Variants in KLHL29 observed in about 807,000 individuals in gnomAD.
KLHL29 encodes kelch like family member 29, also known as kelch-like protein 29.
KLHL29 carries 21 observed loss-of-function variants against 80.4 expected under a neutral mutation model. The ratio of observed to expected loss-of-function variants is 0.26; its 90% CI spans 0.19 to 0.38. The LOEUF (loss-of-function observed/expected upper bound fraction) is 0.38, where lower values mean the gene tolerates loss of function less well. KLHL29 is among the 10% of genes least tolerant of loss of function. The probability of loss-of-function intolerance (pLI) is 1.00; values close to 1 mark genes in which losing one functional copy is unlikely to be tolerated. For missense variants in KLHL29, 867 were observed against 1,223.9 expected (o/e 0.71, Z 4.35); for synonymous variants, 511 against 526.8 (o/e 0.97, Z 0.41).
intron 1 of KLHL29, among the ~76,000 whole-genome samples, chr2:23,471,996 G>A (rs534760450): frequency 6.6e-6 from 1 of 152,150 alleles, no homozygotes; most frequent in Non-Finnish European, 1.5e-5. Context: ...GTGCATGGAT[G>A]TAGCTTATAG....
chr2:23,538,137 A>T (rs1286812717), intron 2 of KLHL29, among the ~76,000 whole-genome samples: 1 of 152,146 alleles, frequency 6.6e-6, no homozygotes, highest in Non-Finnish European at 1.5e-5. Flanking sequence ...TACCACCAAT[A>T]AGTAGCAGAA....
At chr2:23,693,176 G>A (rs1671732089) in intron 7 of KLHL29, 93 bp from the exon 8 acceptor site, 7 of 1,422,246 alleles carry the variant, frequency 4.9e-6, no homozygotes, top group Non-Finnish European at 6.6e-6. Flanking sequence ...CCGGGATGTG[G>A]GTTCAGAGAA....
chr2:23,515,928 T>C (rs911340106), intron 2 of KLHL29, among the ~76,000 whole-genome samples: 5 of 152,222 alleles, frequency 3.3e-5, no homozygotes, highest in Non-Finnish European at 5.9e-5. Flanking sequence ...GATTGATAGC[T>C]GTCCCCACAA....
intron 5 of KLHL29, chr2:23,643,162 C>A (rs1302255213): frequency 9.5e-6 from 5 of 523,844 alleles, no homozygotes; most frequent in African/African-American, 1.9e-5. Context: ...TCACCTCCAA[C>A]CCCCAAGGCC....
intron 6 of KLHL29, among the ~76,000 whole-genome samples, chr2:23,687,414 G>T (rs1389572907): frequency 6.6e-6 from 1 of 152,210 alleles, no homozygotes; most frequent in Non-Finnish European, 1.5e-5. Context: ...CAAGGACGGT[G>T]CCTGCCAGAC....
intron 2 of KLHL29, among the ~76,000 whole-genome samples, chr2:23,501,135 T>C (rs990479451): frequency 2.0e-5 from 3 of 152,078 alleles, no homozygotes; most frequent in African/African-American, 7.2e-5. Context: ...GGAGCCACTC[T>C]GAGACTCAGG....
chr2:23,515,417 C>A (rs1042442706), intron 2 of KLHL29, among the ~76,000 whole-genome samples: 7 of 152,246 alleles, frequency 4.6e-5, no homozygotes, highest in African/African-American at 1.7e-4. Flanking sequence ...CCTACCCCTT[C>A]TTCACCTGGC....
rs746729913 is a variant in KLHL29 at position 23,525,726 on chromosome 2, GCCCCC to G, written c.-45-36418_-45-36414del. Among the ~76,000 whole-genome samples the G allele has an allele frequency of 9.4e-4, 59 of 62,608 alleles. 3 individuals carry two copies. The highest frequency in any genetic ancestry group is 7.9e-3 in the South Asian group (13 of 1,646). The allele number at this position is 62,608 out of a possible 152,430, so 41.1% of individuals were successfully genotyped here. On this transcript the variant is annotated intron_variant, in intron 2 of 13. Transcript: ENST00000486442. ...AGAGGCCGAGTGAGCCCCAGCCCCT[GCCCCC>G]CCCCCCCACCCGAGGCGAGCCAGCA...
At chr2:23,403,842 G>A (rs1232203751) in intron 1 of KLHL29, among the ~76,000 whole-genome samples, 1 of 152,030 alleles carries the variant, frequency 6.6e-6, no homozygotes, top group East Asian at 1.9e-4. Flanking sequence ...GCGTGTGTGC[G>A]TGTGTGTGCA....
At chr2:23,431,630 C>G (rs556545902) in intron 1 of KLHL29, among the ~76,000 whole-genome samples, 3 of 152,110 alleles carry the variant, frequency 2.0e-5, no homozygotes, top group African/African-American at 7.2e-5. Context: ...CGGTGGCTCA[C>G]GCCTGTAATC....
At chr2:23,641,442 C>T (rs1669766752) in intron 4 of KLHL29, among the ~76,000 whole-genome samples, 1 of 152,188 alleles carries the variant, frequency 6.6e-6, no homozygotes, top group Non-Finnish European at 1.5e-5. Context: ...GCCCCGGGCT[C>T]TAGCGCCCTC....
intron 5 of KLHL29, among the ~76,000 whole-genome samples, chr2:23,651,032 A>G (rs1313957284): frequency 1.3e-5 from 2 of 152,344 alleles, no homozygotes; most frequent in East Asian, 1.9e-4. Context: ...ATTCAAGAGC[A>G]CACTCACTAT....
intron 3 of KLHL29, among the ~76,000 whole-genome samples, chr2:23,586,045 A>G (rs1045836015): frequency 6.6e-6 from 1 of 152,174 alleles, no homozygotes; most frequent in African/African-American, 2.4e-5. Context: ...GAGAGCACAC[A>G]GAAGGCCTCT....
At chr2:23,408,301 A>G (rs12999647) in intron 1 of KLHL29, among the ~76,000 whole-genome samples, 2 of 97,338 alleles carry the variant, frequency 2.1e-5, no homozygotes, top group Admixed American at 1.1e-4. Flanking sequence ...AAAAAAAAAA[A>G]TTGAGTTTTT....
intron 1 of KLHL29, among the ~76,000 whole-genome samples, chr2:23,397,311 G>A (rs1039812815): frequency 1.3e-5 from 2 of 152,240 alleles, no homozygotes; most frequent in South Asian, 2.1e-4. Flanking sequence ...ATCACTGAGT[G>A]AGCAGGGCTT....
Position 23,691,884 on chromosome 2 carries a change from CG to C in KLHL29, c.1282+13del. Reference sequence around the variant, plus strand: ...TCTGCGTGTCCTTTCTCGGTGAGCCCGGGGGCCACATATGTCGCTTGGGGGG... The same window carrying C: ...TCTGCGTGTCCTTTCTCGGTGAGCCCGGGGCCACATATGTCGCTTGGGGGG... On this transcript the variant is annotated intron_variant, in intron 7 of 13. Transcript: ENST00000486442. 3 of 1,547,420 alleles carry C rather than the reference CG, an allele frequency of 1.9e-6. No homozygotes were observed. Among genetic ancestry groups the C allele is most frequent in the African/African-American group, 1.4e-5 (1 of 73,172 alleles).
At chr2:23,403,852 A>G (rs1666658871) in intron 1 of KLHL29, among the ~76,000 whole-genome samples, 2 of 151,696 alleles carry the variant, frequency 1.3e-5, no homozygotes, top group South Asian at 2.1e-4. Flanking sequence ...GTGTGTGTGC[A>G]TATGTGTTTG....
intron 2 of KLHL29, among the ~76,000 whole-genome samples, chr2:23,541,136 G>T (rs1709295): frequency 0.58 from 88,267 of 152,140 alleles, 27,844 homozygotes; most frequent in East Asian, 0.97. Context: ...GAATTCTGTT[G>T]GGAACCTTTC....
At chr2:23,625,416 G>T (rs772469871) in intron 3 of KLHL29, among the ~76,000 whole-genome samples, 1 of 152,220 alleles carries the variant, frequency 6.6e-6, no homozygotes, top group Non-Finnish European at 1.5e-5. Flanking sequence ...ACAGGGGCAC[G>T]GTGGATTCTC....
Sources: gnomAD v4.1 joint callset for allele counts (sites outside exome capture counted in the v4.1 genomes callset) on GRCh38, gnomAD v4.1.1 for gene constraint, MANE v1.5 for transcripts, NCBI Gene and HGNC (gene_info 2026-07-23, HGNC 2026-07-21) for gene names.